The following RAB38 variants were observed in gnomAD, a reference collection of about 807,000 sequenced individuals.
RAB38 encodes the protein RAB38, member RAS oncogene family, also known as ras-related protein Rab-38.
RAB38 carries 15 observed loss-of-function variants against 18.4 expected under a neutral mutation model. That is an observed-to-expected ratio of 0.82 (90% confidence interval 0.55 to 1.26). The LOEUF is 1.26. Ranked by LOEUF, RAB38 falls within the 50% of genes most tolerant of loss-of-function variation. The pLI, the probability that RAB38 is intolerant of heterozygous loss-of-function variation, is 0.00. For missense variants in RAB38, 294 were observed against 267.4 expected, an observed-to-expected ratio of 1.10 and a Z score of -0.69; for synonymous variants, 101 against 104.4, an observed-to-expected ratio of 0.97 and a Z score of 0.20.
chr11:87,885,583 G>A, the RAB38 span, among the ~76,000 whole-genome samples: 26 of 151,984 alleles, frequency 1.7e-4, no homozygotes, highest in Non-Finnish European at 3.4e-4. Flanking sequence ...AAAATTCAGG[G>A]CTATAAGTTC....
the RAB38 span, among the ~76,000 whole-genome samples, chr11:88,054,807 G>A: frequency 1.3e-5 from 2 of 152,168 alleles, no homozygotes; most frequent in African/African-American, 2.4e-5. Context: ...CTTGCACAAA[G>A]ATACAGAACC....
chr11:88,052,935 T>TATATATATATATA, the RAB38 span, among the ~76,000 whole-genome samples: 12 of 85,782 alleles, frequency 1.4e-4, no homozygotes, highest in Admixed American at 5.5e-4. Context: ...TATATATATA[T>TATATATATATATA]ATATATATAA....
the RAB38 span, among the ~76,000 whole-genome samples, chr11:87,924,554 T>A: frequency 1.3e-5 from 2 of 152,016 alleles, no homozygotes; most frequent in Non-Finnish European, 2.9e-5. Flanking sequence ...GACGACCTTA[T>A]TATGATGGAG....
At chr11:87,890,492 T>C in the RAB38 span, among the ~76,000 whole-genome samples, 1 of 151,872 alleles carries the variant, frequency 6.6e-6, no homozygotes, top group Admixed American at 6.6e-5. Context: ...CCGATCCTTG[T>C]TACTTTCATG....
the RAB38 span, among the ~76,000 whole-genome samples, chr11:87,946,048 C>A: frequency 1.3e-5 from 2 of 152,112 alleles, no homozygotes; most frequent in African/African-American, 4.8e-5. Flanking sequence ...TTCACACATG[C>A]CAAAGCTAGA....
At chr11:87,856,843 A>C in the RAB38 span, among the ~76,000 whole-genome samples, 1 of 152,166 alleles carries the variant, frequency 6.6e-6, no homozygotes, top group Non-Finnish European at 1.5e-5. Context: ...TGATTGAGGC[A>C]GGTGACTTCT....
Position 88,173,035 on chromosome 11 carries a change from A to T in RAB38, c.202+2148T>A, listed in dbSNP as rs140793390. On this transcript the variant is annotated intron_variant, in intron 1 of 2. Transcript: ENST00000243662. ...TATTTATACAGACTTCTGTGACTAC[A>T]GCCTCCACTGCAACTTCAGTCTACA... is the stretch of plus-strand genomic sequence containing the variant. Among the ~76,000 whole-genome samples, 446 of 152,340 alleles carry T rather than the reference A, an allele frequency of 2.9e-3. 2 individuals carry two copies. The highest frequency in any genetic ancestry group is 9.7e-3 in the African/African-American group (405 of 41,580).
the RAB38 span, among the ~76,000 whole-genome samples, chr11:88,021,439 G>A: frequency 2.0e-5 from 3 of 152,004 alleles, no homozygotes; most frequent in Non-Finnish European, 4.4e-5. Context: ...TCTAGGCCAT[G>A]ATAAAAAGTC....
At chr11:88,082,030 AC>A in the RAB38 span, among the ~76,000 whole-genome samples, 1 of 151,946 alleles carries the variant, frequency 6.6e-6, no homozygotes, top group African/African-American at 2.4e-5. Flanking sequence ...GATTTCATTT[AC>A]GTTGCATCCG....
At chr11:88,011,160 GA>G in the RAB38 span, among the ~76,000 whole-genome samples, 1 of 152,206 alleles carries the variant, frequency 6.6e-6, no homozygotes, top group South Asian at 2.1e-4. Flanking sequence ...ACTGGTGTAT[GA>G]CAGATATAGT....
At chr11:87,924,011 C>T in the RAB38 span, among the ~76,000 whole-genome samples, 1 of 146,036 alleles carries the variant, frequency 6.8e-6, no homozygotes, top group African/African-American at 2.5e-5. Context: ...AGAGAAACAA[C>T]AAAAAGCTGA....
chr11:87,867,940 T>C, the RAB38 span, among the ~76,000 whole-genome samples: 1 of 151,684 alleles, frequency 6.6e-6, no homozygotes, highest in Non-Finnish European at 1.5e-5. Flanking sequence ...ACACTATGTA[T>C]TGTCTCACAC....
At chr11:87,804,280 C>T in the RAB38 span, among the ~76,000 whole-genome samples, 1 of 152,250 alleles carries the variant, frequency 6.6e-6, no homozygotes, top group East Asian at 1.9e-4. Context: ...TGGGTAGAGG[C>T]AGTGGGTGTA....
At chr11:87,967,990 G>C in the RAB38 span, among the ~76,000 whole-genome samples, 1 of 152,084 alleles carries the variant, frequency 6.6e-6, no homozygotes. Flanking sequence ...GTTATTTGCT[G>C]AAAGTACATT....
the RAB38 span, among the ~76,000 whole-genome samples, chr11:87,942,342 T>C: frequency 1.3e-5 from 2 of 152,166 alleles, no homozygotes; most frequent in Non-Finnish European, 2.9e-5. Context: ...CACGGCCATT[T>C]TGAGTCTCAA....
At chr11:88,167,560 T>A (rs1943259891) in intron 1 of RAB38, 1 of 152,188 alleles carries the variant, frequency 6.6e-6, no homozygotes, top group South Asian at 2.1e-4. Context: ...GTGAAGAAGA[T>A]GTGGCTATTG....
chr11:88,025,350 ATG>A, the RAB38 span, among the ~76,000 whole-genome samples: 3,394 of 152,182 alleles, frequency 0.022, 108 homozygotes, highest in East Asian at 0.15. Flanking sequence ...ACATGAGTGC[ATG>A]TGTCTTTTTG....
the RAB38 span, among the ~76,000 whole-genome samples, chr11:88,012,574 C>T: frequency 1.3e-5 from 2 of 152,122 alleles, no homozygotes; most frequent in Non-Finnish European, 2.9e-5. Flanking sequence ...GAAGAATTAT[C>T]AACAATTAAC....
the RAB38 span, among the ~76,000 whole-genome samples, chr11:87,954,624 C>G: frequency 6.6e-6 from 1 of 151,968 alleles, no homozygotes; most frequent in South Asian, 2.1e-4. Flanking sequence ...AAAGCCACCA[C>G]TAGCTTTCAG....
Sources: gnomAD v4.1 joint callset for allele counts (sites outside exome capture counted in the v4.1 genomes callset) on GRCh38, gnomAD v4.1.1 for gene constraint, MANE v1.5 for transcripts, NCBI Gene and HGNC (gene_info 2026-07-23, HGNC 2026-07-21) for gene names.